Variants in DNAL1 observed in about 807,000 individuals in gnomAD.
DNAL1 encodes the protein chromosome 14 open reading frame 168.
DNAL1 carries 17 observed loss-of-function variants against 29.4 expected under a neutral mutation model. The ratio of observed to expected loss-of-function variants is 0.58; its 90% CI spans 0.40 to 0.87. The LOEUF is 0.87. DNAL1 is among the 40% of genes least tolerant of loss of function. The pLI, the probability that DNAL1 is intolerant of heterozygous loss-of-function variation, is 0.00. For missense variants in DNAL1, 188 were observed against 214.1 expected (o/e 0.88, Z 0.76); for synonymous variants, 78 against 76.3 (o/e 1.02, Z -0.12).
chr14:73,686,080 A>G (rs566698731), intron 5 of DNAL1, among the ~76,000 whole-genome samples: 1 of 152,296 alleles, frequency 6.6e-6, no homozygotes, highest in South Asian at 2.1e-4. Flanking sequence ...ACAAGGTTCC[A>G]ATTTCTCCAC....
intron 5 of DNAL1, among the ~76,000 whole-genome samples, chr14:73,679,221 C>G (rs1453873912): frequency 1.3e-5 from 2 of 152,086 alleles, no homozygotes; most frequent in African/African-American, 4.8e-5. Flanking sequence ...GGTCTGGACT[C>G]CTGACCTTGT....
In DNAL1 at chr14:73,699,883, T is replaced by C. The variant is rs1003499236; in HGVS notation, c.*3941T>C. ...TCTAATCACATAATTTTGCAGACCATGGCAGTCATTAAATACAGAAAAATA... is the reference window on the plus strand; with the variant it reads ...TCTAATCACATAATTTTGCAGACCACGGCAGTCATTAAATACAGAAAAATA... On this transcript the variant is annotated 3_prime_UTR_variant, in exon 8 of 8. Transcript: ENST00000553645. 1 of 152,246 alleles carries C rather than the reference T, an allele frequency of 6.6e-6. No individual in the cohort carries two copies. The highest frequency in any genetic ancestry group is 2.4e-5 in the African/African-American group (1 of 41,462). The allele number at this position is 152,246 out of a possible 1,614,324, so 9.4% of individuals were successfully genotyped here.
intron 5 of DNAL1, among the ~76,000 whole-genome samples, chr14:73,677,544 ATATTTATT>A (rs910610601): frequency 6.7e-6 from 1 of 149,010 alleles, no homozygotes; most frequent in African/African-American, 2.4e-5. Context: ...ATATATAAAT[ATATTTATT>A]TATTTATTTA....
intron 4 of DNAL1, among the ~76,000 whole-genome samples, chr14:73,663,516 T>C (rs1394460651): frequency 1.3e-5 from 2 of 152,116 alleles, no homozygotes; most frequent in Admixed American, 6.6e-5. Context: ...AGTTCCAGTA[T>C]GTATTTTTAA....
At chr14:73,694,011 T>C (rs2140065319) in intron 7 of DNAL1, among the ~76,000 whole-genome samples, 1 of 152,188 alleles carries the variant, frequency 6.6e-6, no homozygotes. Flanking sequence ...GTAAAGAACA[T>C]GTCCCTCTTG....
chr14:73,647,890 T>C (rs1312250795), intron 1 of DNAL1, among the ~76,000 whole-genome samples: 2 of 152,222 alleles, frequency 1.3e-5, no homozygotes, highest in African/African-American at 4.8e-5. Context: ...CTATGTATAC[T>C]TAATTTGCCT....
intron 5 of DNAL1, among the ~76,000 whole-genome samples, chr14:73,685,366 C>G (rs904020941): frequency 6.6e-6 from 1 of 152,064 alleles, no homozygotes; most frequent in African/African-American, 2.4e-5. Flanking sequence ...TATCATACAG[C>G]ATTTATCTTT....
chr14:73,648,983 T>C (rs1293449449), intron 1 of DNAL1, among the ~76,000 whole-genome samples: 1 of 151,776 alleles, frequency 6.6e-6, no homozygotes, highest in East Asian at 1.9e-4. Flanking sequence ...TGTTTTTGTT[T>C]TTGTTTTTTT....
intron 1 of DNAL1, among the ~76,000 whole-genome samples, chr14:73,652,354 C>G (rs1891130961): frequency 6.6e-6 from 1 of 152,178 alleles, no homozygotes; most frequent in African/African-American, 2.4e-5. Flanking sequence ...CCCTCTCTCC[C>G]TGGGTCAAAT....
At chr14:73,689,680 T>C (rs1892118562) in intron 7 of DNAL1, among the ~76,000 whole-genome samples, 165 bp downstream of exon 7, 2 of 152,186 alleles carry the variant, frequency 1.3e-5, no homozygotes, top group Admixed American at 1.3e-4. Context: ...CAAGGTGAGA[T>C]GAAAAACTGC....
intron 1 of DNAL1, 26 bp downstream of exon 1, chr14:73,645,068 C>T (rs766283548): frequency 1.6e-5 from 26 of 1,606,046 alleles, no homozygotes; most frequent in Non-Finnish European, 2.0e-5. Context: ...GCCGCGTAGC[C>T]AAAGCTGAGA....
At chr14:73,677,369 T>C (rs1891760063) in intron 5 of DNAL1, among the ~76,000 whole-genome samples, 1 of 151,250 alleles carries the variant, frequency 6.6e-6, no homozygotes, top group Non-Finnish European at 1.5e-5. Context: ...AGGGTCTCGC[T>C]ATGTTGTCCA....
In DNAL1 at chr14:73,698,149, T is replaced by G. The variant is rs893538516; in HGVS notation, c.*2207T>G. On this transcript the variant is annotated 3_prime_UTR_variant, in exon 8 of 8. Coordinates refer to ENST00000553645, the MANE Select transcript of DNAL1 (RefSeq NM_031427.4). The stretch of plus-strand genomic sequence containing the variant: ...TTCTGTAATATAGAAACTGGTTCTC[T>G]TTCTCCTTGTTTCTCAATGACTTTT... 6.6e-6 allele frequency: 1 copy of G among 152,238 alleles called. No individual in the cohort carries two copies. Among genetic ancestry groups the G allele is most frequent in the Admixed American group, 6.5e-5 (1 of 15,282 alleles). The allele number at this position is 152,238 out of a possible 1,614,324, so 9.4% of individuals were successfully genotyped here.
chr14:73,680,933 C>T (rs1891860832), intron 5 of DNAL1, among the ~76,000 whole-genome samples: 1 of 152,042 alleles, frequency 6.6e-6, no homozygotes, highest in Non-Finnish European at 1.5e-5. Context: ...AGAAAAAGTA[C>T]AGTAAAAATA....
chr14:73,682,240 A>G (rs796511643), intron 5 of DNAL1, among the ~76,000 whole-genome samples: 420 of 138,754 alleles, frequency 3.0e-3, no homozygotes, highest in African/African-American at 0.011. Flanking sequence ...GCTCAATCTC[A>G]GTTCACTGCA....
At chr14:73,654,362 G>A (rs189742096) in intron 1 of DNAL1, among the ~76,000 whole-genome samples, 47 of 152,196 alleles carry the variant, frequency 3.1e-4, no homozygotes, top group South Asian at 1.7e-3. Context: ...AAATTAAAAC[G>A]TCCTCTTTGC....
At chr14:73,680,826 C>A (rs2140051813) in intron 5 of DNAL1, among the ~76,000 whole-genome samples, 1 of 152,278 alleles carries the variant, frequency 6.6e-6, no homozygotes, top group South Asian at 2.1e-4. Context: ...TATGGTTTAG[C>A]CTATTGCTCC....
chr14:73,677,884 T>TTTGTGTGTGTG lies in DNAL1; in HGVS notation c.264+6288_264+6289insTGTGTGTGTGT, dbSNP rs1555402398. Among the ~76,000 whole-genome samples, 119 of 96,122 alleles carry TTTGTGTGTGTG rather than the reference T, an allele frequency of 1.2e-3. 1 individual carries two copies. Among genetic ancestry groups the TTTGTGTGTGTG allele is most frequent in the Middle Eastern group, 5.0e-3 (1 of 202 alleles). 63.1% of individuals were successfully genotyped at this position (96,122 alleles called of 152,430 possible). Reference sequence around the variant, plus strand: ...TATATTTATATATATATATATATATTTGTGTGTGTGTGTGTGTGTGTGTGT... The same window carrying TTTGTGTGTGTG: ...TATATTTATATATATATATATATATTTTGTGTGTGTGTGTGTGTGTGTGTGTGTGTGTGTGT... On this transcript the variant is annotated intron_variant, in intron 5 of 7. Transcript: ENST00000553645.
At position 73,697,083 on chromosome 14, in the gene DNAL1, G is replaced by A. The variant is rs1174947273; in HGVS notation, c.*1141G>A. Reference sequence around the variant, plus strand: ...AATTGCAAAGCAATAGTTAGATGCAGAGGTTAGAATTTATCATGTAAACAA... The same window carrying A: ...AATTGCAAAGCAATAGTTAGATGCAAAGGTTAGAATTTATCATGTAAACAA... On this transcript the variant is annotated 3_prime_UTR_variant, in exon 8 of 8. Coordinates refer to ENST00000553645, the MANE Select transcript of DNAL1 (RefSeq NM_031427.4). The A allele has an allele frequency of 6.6e-6, 1 of 152,198 alleles. No homozygotes were observed. The highest frequency in any genetic ancestry group is 1.5e-5 in the Non-Finnish European group (1 of 68,034). The allele number at this position is 152,198 out of a possible 1,614,324, so 9.4% of individuals were successfully genotyped here.
Sources: gnomAD v4.1 joint callset for allele counts (sites outside exome capture counted in the v4.1 genomes callset) on GRCh38, gnomAD v4.1.1 for gene constraint, MANE v1.5 for transcripts, NCBI Gene and HGNC (gene_info 2026-07-23, HGNC 2026-07-21) for gene names.